Variants in SPMIP7 observed in about 807,000 individuals in gnomAD.
The protein encoded by SPMIP7 is sperm microtubule inner protein 7.
At chr7:50,151,653 GC>G in the SPMIP7 span, 1 of 801,000 alleles carries the variant, frequency 1.2e-6, no homozygotes, top group Non-Finnish European at 1.9e-6. Flanking sequence ...AATAGTAAAA[GC>G]AAATTTACAT....
chr7:50,130,966 C>A, the SPMIP7 span, among the ~76,000 whole-genome samples: 2 of 152,092 alleles, frequency 1.3e-5, no homozygotes, highest in African/African-American at 2.4e-5. Context: ...TTGTGGGACA[C>A]TTTAAGCAAT....
At chr7:50,135,827 C>T in the SPMIP7 span, among the ~76,000 whole-genome samples, 1 of 152,144 alleles carries the variant, frequency 6.6e-6, no homozygotes, top group African/African-American at 2.4e-5. Flanking sequence ...ATCAGACTTT[C>T]CACATGGGTT....
the SPMIP7 span, chr7:50,141,579 T>G: frequency 1.9e-6 from 1 of 531,666 alleles, no homozygotes; most frequent in Non-Finnish European, 3.4e-6. Flanking sequence ...CTTGGGGCCC[T>G]TGAGCAAGTC....
the SPMIP7 span, among the ~76,000 whole-genome samples, chr7:50,102,149 C>T: frequency 6.6e-6 from 1 of 152,104 alleles, no homozygotes; most frequent in East Asian, 1.9e-4. Flanking sequence ...CATGGTGAAA[C>T]CCCGTCTCTA....
chr7:50,155,844 A>C, the SPMIP7 span, among the ~76,000 whole-genome samples: 1 of 152,264 alleles, frequency 6.6e-6, no homozygotes, highest in Non-Finnish European at 1.5e-5. Flanking sequence ...CACTATACAC[A>C]CATACTGCAC....
chr7:50,120,044 C>G, the SPMIP7 span, among the ~76,000 whole-genome samples: 8 of 152,156 alleles, frequency 5.3e-5, no homozygotes, highest in African/African-American at 1.9e-4. Flanking sequence ...CCTGCAGACA[C>G]ATTGGGTCTG....
chr7:50,146,171 C>G, the SPMIP7 span, among the ~76,000 whole-genome samples: 1 of 152,294 alleles, frequency 6.6e-6, no homozygotes, highest in Non-Finnish European at 1.5e-5. Flanking sequence ...CACACACTCC[C>G]TCATTTGTTT....
chr7:50,132,075 T>C, the SPMIP7 span, among the ~76,000 whole-genome samples: 2 of 151,924 alleles, frequency 1.3e-5, no homozygotes, highest in Non-Finnish European at 2.9e-5. Context: ...ATCCCAGGGG[T>C]GTTATGAAAA....
At chr7:50,157,089 AG>A in the SPMIP7 span, among the ~76,000 whole-genome samples, 2 of 152,244 alleles carry the variant, frequency 1.3e-5, no homozygotes, top group Non-Finnish European at 2.9e-5. Context: ...TGCAGAGGCA[AG>A]GAACAGTGCA....
chr7:50,155,862 T>TG, the SPMIP7 span, among the ~76,000 whole-genome samples: 6 of 152,236 alleles, frequency 3.9e-5, no homozygotes, highest in Non-Finnish European at 7.3e-5. Context: ...CACATACAGC[T>TG]CTCATCCATG....
At chr7:50,146,273 G>A in the SPMIP7 span, among the ~76,000 whole-genome samples, 1 of 152,218 alleles carries the variant, frequency 6.6e-6, no homozygotes, top group Non-Finnish European at 1.5e-5. Context: ...ATGGCATAAA[G>A]AGCCAAGATC....
chr7:50,141,191 A>G, the SPMIP7 span: 1 of 829,240 alleles, frequency 1.2e-6, no homozygotes, highest in African/African-American at 1.7e-5. Context: ...TGGCAAATAA[A>G]TTTCCTTTGG....
At chr7:50,125,169 T>C in the SPMIP7 span, among the ~76,000 whole-genome samples, 35 of 36,078 alleles carry the variant, frequency 9.7e-4, no homozygotes, top group East Asian at 3.4e-3. Flanking sequence ...TACACATATA[T>C]ACACATATAT....
the SPMIP7 span, among the ~76,000 whole-genome samples, chr7:50,153,299 TA>T: frequency 1.3e-5 from 2 of 152,144 alleles, no homozygotes; most frequent in Non-Finnish European, 2.9e-5. Flanking sequence ...ATCAGCTTCT[TA>T]AAACTTTCAG....
chr7:50,140,549 A>G, the SPMIP7 span, among the ~76,000 whole-genome samples: 1 of 152,246 alleles, frequency 6.6e-6, no homozygotes, highest in African/African-American at 2.4e-5. Context: ...GATGCTCATT[A>G]ACAGCATGGA....
At chr7:50,152,542 A>G in the SPMIP7 span, among the ~76,000 whole-genome samples, 1 of 152,194 alleles carries the variant, frequency 6.6e-6, no homozygotes, top group South Asian at 2.1e-4. Context: ...TTGTTGGCCC[A>G]GTGCAGATGA....
chr7:50,130,990 G>A, the SPMIP7 span, among the ~76,000 whole-genome samples: 2 of 152,114 alleles, frequency 1.3e-5, no homozygotes, highest in African/African-American at 4.8e-5. Flanking sequence ...AATTTTACCA[G>A]GACTGTCATT....
chr7:50,127,390 A>T, the SPMIP7 span, among the ~76,000 whole-genome samples: 18 of 151,136 alleles, frequency 1.2e-4, no homozygotes, highest in East Asian at 3.9e-4. Flanking sequence ...AGTCAACAAA[A>T]GTAAAAATAG....
At chr7:50,119,125 C>G in the SPMIP7 span, among the ~76,000 whole-genome samples, 1 of 152,212 alleles carries the variant, frequency 6.6e-6, no homozygotes, top group South Asian at 2.1e-4. Context: ...CTCATTGAAC[C>G]CATGGTCCTC....
Sources: allele counts gnomAD v4.1 joint callset (sites outside exome capture counted in the v4.1 genomes callset), GRCh38; gene constraint gnomAD v4.1.1; transcripts MANE v1.5; gene names NCBI Gene and HGNC (gene_info 2026-07-23, HGNC 2026-07-21).